The following HOTAIR variants were observed in gnomAD, a reference collection of about 807,000 sequenced individuals.
HOTAIR encodes the protein HOX transcript antisense RNA.
intron 4 of HOTAIR, chr12:53,966,160 TTCTC>T (rs948249092): frequency 1.3e-5 from 2 of 152,014 alleles, no homozygotes; most frequent in African/African-American, 4.8e-5. Context: ...CGGGAAACTT[TTCTC>T]TCTTTTTCTC....
chr12:53,965,924 G>A (rs1788984952), intron 5 of HOTAIR: 2 of 152,342 alleles, frequency 1.3e-5, no homozygotes, highest in African/African-American at 4.8e-5. Context: ...TGGGTGGGCG[G>A]GGGCGCCATG....
rs546831795 is a variant in HOTAIR, at chr12:53,965,342, A to G, written n.551+622T>C. Among the ~76,000 whole-genome samples the G allele has an allele frequency of 2.0e-5, 3 of 152,348 alleles. No individual in the cohort carries two copies. The East Asian group carries it at 5.8e-4, about 29-fold the overall frequency. ...CAGTCCAAGGCCACTAGGGTCACAGAGACTTTGCAGGTGGGGCCAATGTGA... is the reference window on the plus strand; with the variant it reads ...CAGTCCAAGGCCACTAGGGTCACAGGGACTTTGCAGGTGGGGCCAATGTGA... On this transcript the variant is annotated intron_variant and non_coding_transcript_variant, in intron 5 of 6. Transcript: ENST00000424518.
chr12:53,965,869 A>C (rs1445342060), intron 5 of HOTAIR: 1 of 152,264 alleles, frequency 6.6e-6, no homozygotes, highest in Non-Finnish European at 1.5e-5. Flanking sequence ...AGGCAGAAGC[A>C]AGGGTCGGCT....
exon 7 of HOTAIR, chr12:53,963,108 T>A (rs1199930403): frequency 6.6e-6 from 1 of 152,180 alleles, no homozygotes; most frequent in Non-Finnish European, 1.5e-5. Flanking sequence ...CTTTTAAAAA[T>A]TTGTTTTTGA....
rs781395094 is a variant in HOTAIR, at chr12:53,973,828, G to T, written n.59+1070C>A. 14 of 1,520,116 alleles carry T rather than the reference G, an allele frequency of 9.2e-6. No individual in the cohort carries two copies. The highest frequency in any genetic ancestry group is 2.4e-5 in the Admixed American group (1 of 41,106). 94.2% of individuals were successfully genotyped at this position (1,520,116 alleles called of 1,614,324 possible). A position where few individuals can be genotyped will look rare whatever the true frequency, so the allele number is the denominator to read the frequency against. On this transcript the variant is annotated intron_variant and non_coding_transcript_variant, in intron 1 of 6. Coordinates refer to ENST00000424518, the Ensembl canonical transcript of HOTAIR. This position sits in a 1 kb window ranked among gnomAD's most constrained non-coding sequence, Gnocchi z 4.3. ...GGACTGGCGTCCCGGGCTGAGGCGGGTGCCGAGGCGGAGGCTGAGGAGGAG... is the reference window on the plus strand; with the variant it reads ...GGACTGGCGTCCCGGGCTGAGGCGGTTGCCGAGGCGGAGGCTGAGGAGGAG...
At chr12:53,964,648 A>T (rs1231559531) in intron 5 of HOTAIR, among the ~76,000 whole-genome samples, 2 of 151,490 alleles carry the variant, frequency 1.3e-5, no homozygotes. Context: ...GTAGAGGGAG[A>T]GAGAGAAAGT....
intron 1 of HOTAIR, among the ~76,000 whole-genome samples, chr12:53,972,411 G>T (rs1271219044): frequency 1.3e-5 from 2 of 152,224 alleles, no homozygotes; most frequent in Non-Finnish European, 2.9e-5. Flanking sequence ...ACTTCGCCAG[G>T]CACCGGCTGG....
chr12:53,965,706 A>C (rs1003536526), intron 5 of HOTAIR, among the ~76,000 whole-genome samples: 2 of 152,148 alleles, frequency 1.3e-5, no homozygotes, highest in African/African-American at 4.8e-5. Flanking sequence ...AGAATGAGTG[A>C]AAGAAAGGGG....
Position 53,973,332 on chromosome 12 carries a change from A to G in HOTAIR, n.59+1566T>C, listed in dbSNP as rs746825359. 1.9e-6 allele frequency: 3 copies of G among 1,614,106 alleles called. No homozygotes were observed. The East Asian group carries it at 6.7e-5, about 36-fold the overall frequency. Reference sequence around the variant, plus strand: ...CGGCGAGCGAGGGAGCTGCGCCTCCAACCTCTATCTGCCCAGTTGCACTTA... The same window carrying G: ...CGGCGAGCGAGGGAGCTGCGCCTCCGACCTCTATCTGCCCAGTTGCACTTA... On this transcript the variant is annotated intron_variant and non_coding_transcript_variant, in intron 1 of 6. Transcript: ENST00000424518. This position sits in a 1 kb window ranked among gnomAD's most constrained non-coding sequence, Gnocchi z 4.3.
chr12:53,964,844 AACGCACAAG>A (rs139645979), intron 5 of HOTAIR, among the ~76,000 whole-genome samples: 3,614 of 152,272 alleles, frequency 0.024, 58 homozygotes, highest in South Asian at 0.052. Context: ...CATACTCAAG[AACGCACAAG>A]AGATCGAGTT....
At chr12:53,969,280 G>A (rs1203527225) in intron 1 of HOTAIR, among the ~76,000 whole-genome samples, 1 of 152,224 alleles carries the variant, frequency 6.6e-6, no homozygotes, top group African/African-American at 2.4e-5. Context: ...CGTAAAATAG[G>A]GCTTTTATGG....
chr12:53,967,927 C>T (rs1437791844), intron 2 of HOTAIR: 1 of 152,118 alleles, frequency 6.6e-6, no homozygotes, highest in Non-Finnish European at 1.5e-5. Context: ...GTGGGGGTAT[C>T]TGAGGGAGTA....
chr12:53,964,559 C>T (rs996945725), intron 5 of HOTAIR, among the ~76,000 whole-genome samples: 8 of 152,156 alleles, frequency 5.3e-5, no homozygotes, highest in African/African-American at 1.9e-4. Context: ...AATTCTGTCC[C>T]CTGCACTTCC....
exon 7 of HOTAIR, chr12:53,963,393 C>T (rs1412712583): frequency 1.3e-5 from 2 of 152,262 alleles, no homozygotes; most frequent in Non-Finnish European, 2.9e-5. Context: ...TCTGTTTGGG[C>T]CTCCTAAAAT....
At chr12:53,969,141 G>T (rs1939108638) in intron 1 of HOTAIR, among the ~76,000 whole-genome samples, 1 of 152,198 alleles carries the variant, frequency 6.6e-6, no homozygotes, top group Admixed American at 6.5e-5. Context: ...ACCCAGAAAA[G>T]GTATTTTCTG....
chr12:53,962,792 C>T (rs1226029274), exon 7 of HOTAIR: 1 of 152,078 alleles, frequency 6.6e-6, no homozygotes, highest in Non-Finnish European at 1.5e-5. Context: ...AAGTGTTCTC[C>T]TATGTCTATT....
chr12:53,973,315 G>A lies in HOTAIR; in HGVS notation n.59+1583C>T, dbSNP rs199765463. ...GAGAGGGGCGCAGATTTCGGCGAGC[G>A]AGGGAGCTGCGCCTCCAACCTCTAT... On this transcript the variant is annotated intron_variant and non_coding_transcript_variant, in intron 1 of 6. Transcript: ENST00000424518. The surrounding 1 kb of genome is among the most constrained non-coding windows in gnomAD (Gnocchi z 4.3). 5.6e-6 allele frequency: 9 copies of A among 1,614,064 alleles called. No homozygotes were observed. The East Asian group carries it at 1.6e-4, about 28-fold the overall frequency.
chr12:53,965,221 C>A (rs563328767), intron 5 of HOTAIR, among the ~76,000 whole-genome samples: 1 of 152,314 alleles, frequency 6.6e-6, no homozygotes, highest in African/African-American at 2.4e-5. Context: ...GAAGGGTGAA[C>A]CACAATTTGG....
rs1939175179 is a variant in HOTAIR, at chr12:53,973,066, C to G, written n.59+1832G>C. The stretch of plus-strand genomic sequence containing the variant: ...GTCCCCGATCTTACCTAAGAGAGAA[C>G]CCCTCCTACGTCTGCGAAGTGCTCC... On this transcript the variant is annotated intron_variant and non_coding_transcript_variant, in intron 1 of 6. Coordinates refer to ENST00000424518, the Ensembl canonical transcript of HOTAIR. This position sits in a 1 kb window ranked among gnomAD's most constrained non-coding sequence, Gnocchi z 4.3. The G allele has an allele frequency of 5.5e-6, 3 of 543,476 alleles. No individual in the cohort carries two copies. Among genetic ancestry groups the G allele is most frequent in the Admixed American group, 3.5e-5 (1 of 28,720 alleles). 33.7% of individuals were successfully genotyped at this position (543,476 alleles called of 1,614,324 possible).
Sources: allele counts gnomAD v4.1 joint callset (sites outside exome capture counted in the v4.1 genomes callset), GRCh38; gene constraint gnomAD v4.1.1; non-coding constraint Gnocchi (gnomAD v3.1); transcripts MANE v1.5; gene names NCBI Gene and HGNC (gene_info 2026-07-23, HGNC 2026-07-21).